JAKMIP1: variants seen among roughly 807,000 people sequenced by gnomAD.
The protein encoded by JAKMIP1 is janus kinase and microtubule-interacting protein 1.
Under a neutral mutation model 113.0 loss-of-function variants are expected in JAKMIP1, and 33 were observed. The ratio of observed to expected loss-of-function variants is 0.29; its 90% CI spans 0.22 to 0.39. JAKMIP1 has a LOEUF of 0.39. Among genes scored for constraint, JAKMIP1 ranks in the 10% least tolerant of loss-of-function variants. The pLI is 1.00. For synonymous variants in JAKMIP1, 480 were observed against 459.9 expected, an observed-to-expected ratio of 1.04 and a Z score of -0.56; for missense variants, 813 against 1,080.5, an observed-to-expected ratio of 0.75 and a Z score of 3.47.
At position 6,157,777 on chromosome 4, in the gene JAKMIP1, C is replaced by T. The variant is rs1034376336; in HGVS notation, c.-148+42476G>A. On this transcript the variant is annotated intron_variant, in intron 1 of 20. Transcript: ENST00000409021. This position sits in a 1 kb window ranked among gnomAD's most constrained non-coding sequence, Gnocchi z 4.7. The stretch of plus-strand genomic sequence containing the variant: ...TAAACACCAGCCATGAAGCAGCACA[C>T]CCAGTAGGGTGTGAGTGAGGGACCG... Among the ~76,000 whole-genome samples, 24 of 152,180 alleles carry T rather than the reference C, an allele frequency of 1.6e-4. No individual in the cohort carries two copies. Among genetic ancestry groups the T allele is most frequent in the African/African-American group, 5.5e-4 (23 of 41,446 alleles).
chr4:6,071,310 G>A (rs980376942), intron 8 of JAKMIP1, among the ~76,000 whole-genome samples: 2 of 152,168 alleles, frequency 1.3e-5, no homozygotes, highest in African/African-American at 4.8e-5. Context: ...GTGCAGACCT[G>A]AGACACCTGG....
In JAKMIP1 at chr4:6,080,168, G is replaced by A. The variant is rs1720294550; in HGVS notation, c.1242+4C>T. On this transcript the variant is annotated splice_donor_region_variant and intron_variant, in intron 7 of 20. Transcript: ENST00000409021. This position sits in a 1 kb window ranked among gnomAD's most constrained non-coding sequence, Gnocchi z 6.0. Reference sequence around the variant, plus strand: ...GGCAGCCGCGCCAGCTGTGCTAGATGTACCAGTGAGAGGTCGTCAATGACG... The same window carrying A: ...GGCAGCCGCGCCAGCTGTGCTAGATATACCAGTGAGAGGTCGTCAATGACG... 6.2e-7 allele frequency: 1 copy of A among 1,601,484 alleles called. No homozygotes were observed. The highest frequency in any genetic ancestry group is 1.3e-5 in the African/African-American group (1 of 74,718).
rs781339788 is a variant in JAKMIP1 at position 6,106,002 on chromosome 4, C to A, written c.130-35G>T. 1 of 1,139,522 alleles carries A rather than the reference C, an allele frequency of 8.8e-7. No homozygotes were observed. Among genetic ancestry groups the A allele is most frequent in the Middle Eastern group, 2.4e-4 (1 of 4,222 alleles). The allele number at this position is 1,139,522 out of a possible 1,614,324, so 70.6% of individuals were successfully genotyped here. Reference sequence around the variant, plus strand: ...GAGCGGCGAGAGAGCCGGTCAGGGTCAGGGTCAGGGTCAGGGTCAGGGTCA... The same window carrying A: ...GAGCGGCGAGAGAGCCGGTCAGGGTAAGGGTCAGGGTCAGGGTCAGGGTCA... On this transcript the variant is annotated intron_variant, in intron 2 of 20. Transcript: ENST00000409021. This position sits in a 1 kb window ranked among gnomAD's most constrained non-coding sequence, Gnocchi z 5.9.
rs1720448958 is a variant in JAKMIP1 at position 6,081,012 on chromosome 4, C to CACACACACACACA, written c.1101+596_1101+597insTGTGTGTGTGTGT. On this transcript the variant is annotated intron_variant, in intron 6 of 20. Transcript: ENST00000409021. This position sits in a 1 kb window ranked among gnomAD's most constrained non-coding sequence, Gnocchi z 4.6. ...ACACACACACACACACACACACACA[C>CACACACACACACA]ACCTGCATCTGCTACAGTGCAGACA... Among the ~76,000 whole-genome samples, 1 of 151,928 alleles carries CACACACACACACA rather than the reference C, an allele frequency of 6.6e-6. No individual in the cohort carries two copies. Among genetic ancestry groups the CACACACACACACA allele is most frequent in the African/African-American group, 2.4e-5 (1 of 41,354 alleles).
intron 2 of JAKMIP1, among the ~76,000 whole-genome samples, chr4:6,110,753 C>T (rs920169196): frequency 6.6e-6 from 1 of 150,392 alleles, no homozygotes; most frequent in African/African-American, 2.4e-5. Flanking sequence ...GGGGGTTACA[C>T]AGCTTATAAG....
rs1194951421 is a variant in JAKMIP1 at position 6,088,744 on chromosome 4, G to A, written c.625-3115C>T. Among the ~76,000 whole-genome samples, 1 of 152,192 alleles carries A rather than the reference G, an allele frequency of 6.6e-6. No homozygotes were observed. The highest frequency in any genetic ancestry group is 1.5e-5 in the Non-Finnish European group (1 of 68,038). On this transcript the variant is annotated intron_variant, in intron 3 of 20. Coordinates refer to ENST00000409021, the MANE Select transcript of JAKMIP1 (RefSeq NM_001099433.2). This position sits in a 1 kb window ranked among gnomAD's most constrained non-coding sequence, Gnocchi z 5.5. ...CACTGACTTTACTCCTGGATCACAA[G>A]CTGAGCTCTTAGTGATCCTATCTCG...
At chr4:6,189,944 G>A (rs2109057010) in intron 1 of JAKMIP1, among the ~76,000 whole-genome samples, 1 of 152,348 alleles carries the variant, frequency 6.6e-6, no homozygotes, top group South Asian at 2.1e-4. Flanking sequence ...AGGAGAGGGA[G>A]GCAGCGTGGG....
intron 1 of JAKMIP1, among the ~76,000 whole-genome samples, chr4:6,119,087 G>A (rs1046742307): frequency 6.6e-6 from 1 of 152,166 alleles, no homozygotes. Context: ...GCTGGAGCGG[G>A]GAAGGACTGA....
intron 2 of JAKMIP1, among the ~76,000 whole-genome samples, chr4:6,110,969 C>T (rs1021159330): frequency 2.0e-5 from 3 of 151,974 alleles, no homozygotes; most frequent in African/African-American, 7.2e-5. Flanking sequence ...GTCAGCATCA[C>T]CAGCATCCAT....
intron 1 of JAKMIP1, among the ~76,000 whole-genome samples, chr4:6,172,770 C>G (rs115408046): frequency 0.013 from 1,934 of 152,150 alleles, 33 homozygotes; most frequent in African/African-American, 0.043. Context: ...GCATCCTTGC[C>G]CAAGATGCCC....
At chr4:6,126,568 ACACT>A (rs372326126) in intron 1 of JAKMIP1, among the ~76,000 whole-genome samples, 213 of 150,814 alleles carry the variant, frequency 1.4e-3, no homozygotes, top group African/African-American at 2.4e-3. Context: ...CCATGCAGAA[ACACT>A]CACACGCACA....
At chr4:6,074,620 G>A (rs1034699353) in intron 8 of JAKMIP1, among the ~76,000 whole-genome samples, 1 of 152,088 alleles carries the variant, frequency 6.6e-6, no homozygotes, top group African/African-American at 2.4e-5. Flanking sequence ...TATACAAATT[G>A]GTGTAGTGCT....
Position 6,080,828 on chromosome 4 carries a change from G to T in JAKMIP1, c.1102-516C>A, listed in dbSNP as rs1158981260. ...TTGTCCTGTGCTGGAAGAGGGGACA[G>T]GGCAGACCAAAGCCAAGCCCAAGGT... On this transcript the variant is annotated intron_variant, in intron 6 of 20. Coordinates refer to ENST00000409021, the MANE Select transcript of JAKMIP1 (RefSeq NM_001099433.2). This position sits in a 1 kb window ranked among gnomAD's most constrained non-coding sequence, Gnocchi z 6.0. Among the ~76,000 whole-genome samples, 1 of 152,136 alleles carries T rather than the reference G, an allele frequency of 6.6e-6. No homozygotes were observed. Among genetic ancestry groups the T allele is most frequent in the Non-Finnish European group, 1.5e-5 (1 of 68,030 alleles).
chr4:6,051,943 A>C lies in JAKMIP1; in HGVS notation c.1807-1264T>G, dbSNP rs1220549891. ...CTTTAGTTTGAGCAGAGTTACGGTAAGGTAAAAAATAACATGCTTTGGGCC... is the reference window on the plus strand; with the variant it reads ...CTTTAGTTTGAGCAGAGTTACGGTACGGTAAAAAATAACATGCTTTGGGCC... On this transcript the variant is annotated intron_variant, in intron 13 of 20. Transcript: ENST00000409021. The surrounding 1 kb of genome is among the most constrained non-coding windows in gnomAD (Gnocchi z 5.0). Among the ~76,000 whole-genome samples, 2 of 152,208 alleles carry C rather than the reference A, an allele frequency of 1.3e-5. No individual in the cohort carries two copies. The highest frequency in any genetic ancestry group is 2.9e-5 in the Non-Finnish European group (2 of 68,038).
rs781181995 is a variant in JAKMIP1 at position 6,108,782 on chromosome 4, G to A, written c.130-2815C>T. Among the ~76,000 whole-genome samples the A allele has an allele frequency of 2.0e-5, 3 of 152,246 alleles. No homozygotes were observed. The highest frequency in any genetic ancestry group is 3.9e-4 in the East Asian group (2 of 5,192). ...AAGCCAGGTTTCCCACTTGGAGTAA[G>A]AGGTTACAGACAAGCAAGAGGAGGC... On this transcript the variant is annotated intron_variant, in intron 2 of 20. Transcript: ENST00000409021. This position sits in a 1 kb window ranked among gnomAD's most constrained non-coding sequence, Gnocchi z 5.6.
chr4:6,123,977 T>C (rs1055776482), intron 1 of JAKMIP1, among the ~76,000 whole-genome samples: 2 of 152,240 alleles, frequency 1.3e-5, no homozygotes, highest in South Asian at 2.1e-4. Flanking sequence ...GAAACTTCCA[T>C]GAGGCGTATC....
rs1293528440 is a variant in JAKMIP1, at chr4:6,061,433, T to A, written c.1560+879A>T. The stretch of plus-strand genomic sequence containing the variant: ...GGGCGTGGCCTCTCCTCTCTGCCTT[T>A]GCCATCAGATTTGCCAGGCAATGCC... On this transcript the variant is annotated intron_variant, in intron 10 of 20. Transcript: ENST00000409021. This position sits in a 1 kb window ranked among gnomAD's most constrained non-coding sequence, Gnocchi z 5.3. Among the ~76,000 whole-genome samples the A allele has an allele frequency of 6.6e-6, 1 of 152,172 alleles. No individual in the cohort carries two copies. Among genetic ancestry groups the A allele is most frequent in the Non-Finnish European group, 1.5e-5 (1 of 68,036 alleles).
intron 8 of JAKMIP1, among the ~76,000 whole-genome samples, chr4:6,071,858 C>A (rs765501179): frequency 6.6e-6 from 1 of 152,188 alleles, no homozygotes. Context: ...GAGTCCTTTA[C>A]CAAAGGGCCC....
rs1190885889 is a variant in JAKMIP1, at chr4:6,097,044, CAGGCT to C, written c.624+8424_624+8428del. 6.6e-6 allele frequency among the ~76,000 whole-genome samples: 1 copy of C among 152,156 alleles called. No individual in the cohort carries two copies. The highest frequency in any genetic ancestry group is 1.5e-5 in the Non-Finnish European group (1 of 68,022). ...CAAGACAGACTCTCTCTCTGTCACCCAGGCTGGAGTGCAGGGGCATGATCGTAGGT... is the reference window on the plus strand; with the variant it reads ...CAAGACAGACTCTCTCTCTGTCACCCGGAGTGCAGGGGCATGATCGTAGGT... On this transcript the variant is annotated intron_variant, in intron 3 of 20. Transcript: ENST00000409021. The surrounding 1 kb of genome is among the most constrained non-coding windows in gnomAD (Gnocchi z 4.3).
Sources: gnomAD v4.1 joint callset for allele counts (sites outside exome capture counted in the v4.1 genomes callset) on GRCh38, gnomAD v4.1.1 for gene constraint, Gnocchi (gnomAD v3.1) non-coding constraint, MANE v1.5 for transcripts, NCBI Gene and HGNC (gene_info 2026-07-23, HGNC 2026-07-21) for gene names.